The following CFAP74 variants were observed in gnomAD, a reference collection of about 807,000 sequenced individuals.
CFAP74 encodes the protein cilia and flagella associated protein 74, also known as cilia- and flagella-associated protein 74.
In CFAP74, 124 loss-of-function variants were observed where a neutral mutation model predicts 188.9. The ratio of observed to expected loss-of-function variants is 0.66; its 90% confidence interval spans 0.57 to 0.76. The LOEUF (loss-of-function observed/expected upper bound fraction) is 0.76. CFAP74 is among the 30% of genes least tolerant of loss of function. The pLI, the probability that CFAP74 is intolerant of heterozygous loss-of-function variation, is 0.00. For missense variants in CFAP74, 2,198 were observed against 2,165.2 expected, an observed-to-expected ratio of 1.02 and a Z score of -0.30; for synonymous variants, 956 against 916.7, an observed-to-expected ratio of 1.04 and a Z score of -0.77.
At chr1:1,987,197 G>C (rs1657296875) in intron 4 of CFAP74, among the ~76,000 whole-genome samples, 162 bp from the exon 5 acceptor site, 1 of 152,216 alleles carries the variant, frequency 6.6e-6, no homozygotes, top group Admixed American at 6.5e-5. Context: ...ACACAAGCAG[G>C]GTCTTGTCGT....
chr1:1,956,573 T>TG (rs777637830), intron 17 of CFAP74, 47 bp downstream of exon 17: 2 of 1,609,094 alleles, frequency 1.2e-6, no homozygotes, highest in Non-Finnish European at 8.5e-7. Context: ...GGACTGGATT[T>TG]GGGGGGCAGG....
intron 1 of CFAP74, among the ~76,000 whole-genome samples, chr1:2,003,226 C>T (rs1186324715): frequency 6.6e-6 from 1 of 152,198 alleles, no homozygotes; most frequent in Non-Finnish European, 1.5e-5. Flanking sequence ...GGCCCTACAG[C>T]AGGCCTGCTT....
rs1651929018 is a variant in CFAP74, at chr1:1,926,693, T to C, written c.3731A>G (p.His1244Arg). The C allele has an allele frequency of 1.0e-5, 16 of 1,550,134 alleles. No individual in the cohort carries two copies. Among genetic ancestry groups the C allele is most frequent in the Non-Finnish European group, 1.4e-5 (16 of 1,146,832 alleles). The change falls in exon 30 of 39, where the codon CAT becomes CGT. Residue 1244 changes from histidine to arginine, a missense_variant. By Grantham distance (29) the His-to-Arg change is conservative. Coordinates refer to ENST00000682832, the MANE Select transcript of CFAP74 (RefSeq NM_001304360.2). ...GAAGTTAAAGATGGTCTTGCCTTTA[T>C]GGGACGTCACCACAACAGATGGTGC... ...TVAPSVVVTS[H>R]KGKTIFNFGD...
intron 1 of CFAP74, among the ~76,000 whole-genome samples, chr1:1,997,147 G>C (rs931312371): frequency 6.6e-6 from 1 of 152,142 alleles, no homozygotes; most frequent in African/African-American, 2.4e-5. Flanking sequence ...AGGCGGCCGG[G>C]CGCGGTGGCG....
intron 25 of CFAP74, among the ~76,000 whole-genome samples, chr1:1,938,040 A>G (rs1189983509): frequency 1.6e-5 from 2 of 122,450 alleles, no homozygotes; most frequent in African/African-American, 5.9e-5. Flanking sequence ...ATGCTCACAC[A>G]TACATGCACT....
Position 1,938,903 on chromosome 1 carries a change from TTGG to T in CFAP74, c.2960_2962del (p.Thr987del). ...CAGTTGGAATCTGTGTTCCTCGGCCTTGGTGGGCTGGAAGATCACACAGAACTG... is the reference window on the plus strand; with the variant it reads ...CAGTTGGAATCTGTGTTCCTCGGCCTTGGGCTGGAAGATCACACAGAACTG... On this transcript the variant is annotated inframe_deletion, in exon 25 of 39. Coordinates refer to ENST00000682832, the MANE Select transcript of CFAP74 (RefSeq NM_001304360.2). 1 of 1,536,168 alleles carries T rather than the reference TTGG, an allele frequency of 6.5e-7. No homozygotes were observed. Among genetic ancestry groups the T allele is most frequent in the Non-Finnish European group, 8.7e-7 (1 of 1,146,912 alleles).
chr1:1,984,428 A>G (rs1037700266), intron 6 of CFAP74: 2 of 152,090 alleles, frequency 1.3e-5, no homozygotes, highest in Non-Finnish European at 2.9e-5. Context: ...TGAGAGGGGC[A>G]TGACAGAGCC....
At chr1:1,994,649 G>A (rs1363974015) in intron 1 of CFAP74, among the ~76,000 whole-genome samples, 3 of 152,164 alleles carry the variant, frequency 2.0e-5, no homozygotes, top group Admixed American at 6.5e-5. Context: ...TGAATTCCAT[G>A]CGGCCTCCGC....
rs1369059813 is a variant in CFAP74, at chr1:1,988,986, G to T, written c.68-13C>A. 1.5e-6 allele frequency: 2 copies of T among 1,308,692 alleles called. No individual in the cohort carries two copies. Among genetic ancestry groups the T allele is most frequent in the Non-Finnish European group, 2.1e-6 (2 of 933,114 alleles). 81.1% of individuals were successfully genotyped at this position (1,308,692 alleles called of 1,614,324 possible). On this transcript the variant is annotated splice_polypyrimidine_tract_variant and intron_variant, in intron 2 of 38. Transcript: ENST00000682832. ...AATTCATCTCTTTCTAGAAATCAAG[G>T]CAAGAGTTTAAAAAAAAAAAAAAGC...
At chr1:1,971,156 TG>T (rs1008166521) in intron 9 of CFAP74, among the ~76,000 whole-genome samples, 1 of 138,226 alleles carries the variant, frequency 7.2e-6, no homozygotes, top group Admixed American at 7.2e-5. Context: ...CATGCACACC[TG>T]GACACACATG....
intron 1 of CFAP74, among the ~76,000 whole-genome samples, chr1:1,996,029 C>T (rs1238704877): frequency 6.6e-6 from 1 of 152,006 alleles, no homozygotes; most frequent in Admixed American, 6.6e-5. Flanking sequence ...CTGTCGCCCA[C>T]GCTGGAGTGC....
In CFAP74 at chr1:1,968,453, G is replaced by A. The variant is rs1056031221; in HGVS notation, c.1245+182C>T. ...TGGGCCTCTCTCATGTGGTGGGTCCGTAGTGTGTCTTGTCCCCTTGTCCTT... is the reference window on the plus strand; with the variant it reads ...TGGGCCTCTCTCATGTGGTGGGTCCATAGTGTGTCTTGTCCCCTTGTCCTT... On this transcript the variant is annotated intron_variant, in intron 11 of 38. Transcript: ENST00000682832. This position sits in a 1 kb window ranked among gnomAD's most constrained non-coding sequence, Gnocchi z 4.3. 1.1e-4 allele frequency among the ~76,000 whole-genome samples: 17 copies of A among 151,992 alleles called. No homozygotes were observed. The highest frequency in any genetic ancestry group is 3.1e-4 in the African/African-American group (13 of 41,460).
intron 25 of CFAP74, among the ~76,000 whole-genome samples, chr1:1,933,751 C>G (rs1652600729): frequency 6.6e-6 from 1 of 152,170 alleles, no homozygotes; most frequent in Admixed American, 6.5e-5. Context: ...TTGTTTTTCT[C>G]TGTTGAATAT....
At position 1,927,025 on chromosome 1, in the gene CFAP74, G is replaced by A. The variant is rs528713373; in HGVS notation, c.3531C>T (p.Ser1177=). 67 of 1,550,154 alleles carry A rather than the reference G, an allele frequency of 4.3e-5. 1 individual carries two copies. In the East Asian group the frequency reaches 9.8e-4, roughly 23 times the overall value. ...TGGCTCGGGCGGCCTGGTACTCGTC[G>A]GAACTAGAAGGAAGTCAGAGGCTTG... ...EMRKRELRPS[S]DEYQAARATL... is the part of the protein sequence containing the mutation. The change falls in exon 29 of 39, where the codon TCC becomes TCT. Residue 1177 remains serine, a synonymous_variant. Coordinates refer to ENST00000682832, the MANE Select transcript of CFAP74 (RefSeq NM_001304360.2).
At chr1:1,971,151 AC>A (rs1246141524) in intron 9 of CFAP74, among the ~76,000 whole-genome samples, 6 of 149,884 alleles carry the variant, frequency 4.0e-5, no homozygotes, top group African/African-American at 1.5e-4. Context: ...TCGCACATGC[AC>A]ACCTGGACAC....
chr1:1,938,346 GCTCA>G (rs564226072), intron 25 of CFAP74, among the ~76,000 whole-genome samples: 24 of 141,412 alleles, frequency 1.7e-4, no homozygotes, highest in Non-Finnish European at 1.5e-4. Flanking sequence ...ACACACACAC[GCTCA>G]CTCACATGCA....
chr1:1,973,895 AG>A lies in CFAP74; in HGVS notation c.674+129del. 3.6e-6 allele frequency: 3 copies of A among 835,302 alleles called. No homozygotes were observed. Among genetic ancestry groups the A allele is most frequent in the Non-Finnish European group, 5.2e-6 (3 of 572,812 alleles). The allele number at this position is 835,302 out of a possible 1,614,324, so 51.7% of individuals were successfully genotyped here. On this transcript the variant is annotated intron_variant, in intron 7 of 38. Coordinates refer to ENST00000682832, the MANE Select transcript of CFAP74 (RefSeq NM_001304360.2). The surrounding 1 kb of genome is among the most constrained non-coding windows in gnomAD (Gnocchi z 6.2). ...GTGGAGGAGCAAGCTGGGAGGAGGC[AG>A]GGAGGGGTGGAGGTGGATCTGGACA...
intron 18 of CFAP74, 36 bp downstream of exon 18, chr1:1,955,655 C>T: frequency 6.2e-7 from 1 of 1,608,292 alleles, no homozygotes; most frequent in Non-Finnish European, 8.5e-7. Context: ...CCCTCACCGC[C>T]CGCCCACCCT....
chr1:1,988,079 G>A (rs756156913), intron 4 of CFAP74: 8 of 470,436 alleles, frequency 1.7e-5, no homozygotes, highest in African/African-American at 1.6e-4. Flanking sequence ...AAGTCACTGG[G>A]ACCACAGGCG....
Sources: gnomAD v4.1 joint callset for allele counts (sites outside exome capture counted in the v4.1 genomes callset) on GRCh38, gnomAD v4.1.1 for gene constraint, Gnocchi (gnomAD v3.1) non-coding constraint, MANE v1.5 for transcripts, NCBI Gene and HGNC (gene_info 2026-07-23, HGNC 2026-07-21) for gene names.